The following FHIT variants were observed in gnomAD, a reference collection of about 807,000 sequenced individuals.
FHIT encodes the protein bis(5'-adenosyl)-triphosphatase.
FHIT carries 19 observed loss-of-function variants against 17.9 expected under a neutral mutation model. The ratio of observed to expected loss-of-function variants is 1.06; its 90% CI spans 0.74 to 1.56. FHIT has a LOEUF of 1.56. FHIT is among the 40% of genes most tolerant of loss of function. FHIT has a pLI of 0.00. For synonymous variants in FHIT, 81 were observed against 69.7 expected (o/e 1.16, Z -0.81); for missense variants, 248 against 189.2 (o/e 1.31, Z -1.82).
At chr3:61,029,462 C>T (rs17064323) in intron 3 of FHIT, among the ~76,000 whole-genome samples, 13,375 of 152,132 alleles carry the variant, frequency 0.088, 634 homozygotes, top group East Asian at 0.17. Flanking sequence ...CTGATTTAGC[C>T]GGCTAGCTCA....
chr3:60,712,079 C>T (rs1334512663), intron 4 of FHIT, among the ~76,000 whole-genome samples: 1 of 152,166 alleles, frequency 6.6e-6, no homozygotes, highest in Non-Finnish European at 1.5e-5. Flanking sequence ...GATCTCTCGG[C>T]AGAAATACTA....
chr3:60,027,108 G>GACACACACAC (rs754046097), intron 5 of FHIT, among the ~76,000 whole-genome samples: 14 of 88,050 alleles, frequency 1.6e-4, no homozygotes, highest in Non-Finnish European at 2.8e-4. Flanking sequence ...TTCACACACA[G>GACACACACAC]ACACACACAC....
intron 5 of FHIT, among the ~76,000 whole-genome samples, chr3:60,489,215 G>T (rs940217110): frequency 1.3e-5 from 2 of 152,074 alleles, no homozygotes; most frequent in African/African-American, 4.8e-5. Context: ...TTACTCAGAG[G>T]CATCAATCCT....
chr3:59,885,204 AAG>A (rs542303477), intron 8 of FHIT, among the ~76,000 whole-genome samples: 50 of 152,220 alleles, frequency 3.3e-4, no homozygotes, highest in South Asian at 6.2e-4. Flanking sequence ...ATATGTTCAG[AAG>A]AGGAAACAGG....
intron 8 of FHIT, among the ~76,000 whole-genome samples, chr3:59,878,023 CA>C (rs1339912605): frequency 6.6e-6 from 1 of 152,024 alleles, no homozygotes; most frequent in Non-Finnish European, 1.5e-5. Flanking sequence ...GCATATAGGC[CA>C]AATTAATAAG....
chr3:60,923,577 G>C (rs1054896303), intron 3 of FHIT, among the ~76,000 whole-genome samples: 1 of 152,110 alleles, frequency 6.6e-6, no homozygotes, highest in African/African-American at 2.4e-5. Flanking sequence ...TATTCACGAG[G>C]TGGAGCCAAG....
chr3:61,138,427 T>C (rs12494269), intron 2 of FHIT, among the ~76,000 whole-genome samples: 41,404 of 152,136 alleles, frequency 0.27, 5,979 homozygotes, highest in East Asian at 0.45. Context: ...GCAGCCATGC[T>C]TGTGGGCCTG....
chr3:60,242,458 G>A (rs548185871), intron 5 of FHIT, among the ~76,000 whole-genome samples: 15 of 151,782 alleles, frequency 9.9e-5, no homozygotes, highest in African/African-American at 2.2e-4. Context: ...TTCTATATTC[G>A]TGTGTATGTA....
At chr3:61,040,195 G>A (rs2033440281) in intron 3 of FHIT, among the ~76,000 whole-genome samples, 1 of 152,192 alleles carries the variant, frequency 6.6e-6, no homozygotes, top group Non-Finnish European at 1.5e-5. Flanking sequence ...TTAGATTATT[G>A]TATATGACCT....
chr3:60,957,738 G>C (rs1709238915), intron 3 of FHIT, among the ~76,000 whole-genome samples: 1 of 152,164 alleles, frequency 6.6e-6, no homozygotes, highest in Non-Finnish European at 1.5e-5. Context: ...CTGAGTCCCT[G>C]ATCTTGTATA....
chr3:59,800,732 G>A (rs998488578), intron 8 of FHIT, among the ~76,000 whole-genome samples: 1 of 152,126 alleles, frequency 6.6e-6, no homozygotes, highest in Admixed American at 6.6e-5. Flanking sequence ...TCTTCCTCAG[G>A]AAGAGAAAGG....
At chr3:60,144,812 G>C (rs572431604) in intron 5 of FHIT, among the ~76,000 whole-genome samples, 8 of 152,132 alleles carry the variant, frequency 5.3e-5, no homozygotes, top group Admixed American at 6.5e-5. Flanking sequence ...ACCCTACCAT[G>C]CAATAAAATA....
chr3:60,887,514 C>T (rs111716934), intron 3 of FHIT, among the ~76,000 whole-genome samples: 2,534 of 152,032 alleles, frequency 0.017, 81 homozygotes, highest in African/African-American at 0.057. Context: ...GGCGTGGTGG[C>T]ACACGCCTGT....
At chr3:60,619,123 C>T (rs1247901969) in intron 4 of FHIT, among the ~76,000 whole-genome samples, 1 of 152,104 alleles carries the variant, frequency 6.6e-6, no homozygotes, top group Non-Finnish European at 1.5e-5. Context: ...TGATTTGTTG[C>T]ATTATAGGTG....
intron 8 of FHIT, among the ~76,000 whole-genome samples, chr3:59,771,297 G>A (rs778729646): frequency 6.6e-5 from 10 of 152,134 alleles, no homozygotes; most frequent in Non-Finnish European, 1.3e-4. Context: ...GCTCTATAAA[G>A]GCCAAAGACA....
intron 3 of FHIT, among the ~76,000 whole-genome samples, chr3:61,027,344 C>A (rs1312342833): frequency 6.6e-6 from 1 of 152,212 alleles, no homozygotes; most frequent in Non-Finnish European, 1.5e-5. Context: ...ACCTCAGCCT[C>A]CCAAAGTGCT....
At position 60,140,655 on chromosome 3, in the gene FHIT, C is replaced by G. The variant is rs183302703; in HGVS notation, c.104-126503G>C. On this transcript the variant is annotated intron_variant, in intron 5 of 9. Coordinates refer to ENST00000492590, the MANE Select transcript of FHIT (RefSeq NM_002012.4). The stretch of plus-strand genomic sequence containing the variant: ...GTGCAATGGCGTGATCTCAGCTCAC[C>G]GCAACCTCCACCTCCCAGGTTCAAG... 6.0e-3 allele frequency among the ~76,000 whole-genome samples: 908 copies of G among 151,038 alleles called. 4 individuals carry two copies. The highest frequency in any genetic ancestry group is 0.02 in the African/African-American group (838 of 41,068).
In FHIT at chr3:60,386,808, C is replaced by G. The variant is rs180914140; in HGVS notation, c.103+150052G>C. On this transcript the variant is annotated intron_variant, in intron 5 of 9. Coordinates refer to ENST00000492590, the MANE Select transcript of FHIT (RefSeq NM_002012.4). ...CGTTCCAGACGATATGTGGTAGGTGCTGACCACTTTACATGCATCAACTGA... is the reference window on the plus strand; with the variant it reads ...CGTTCCAGACGATATGTGGTAGGTGGTGACCACTTTACATGCATCAACTGA... Among the ~76,000 whole-genome samples, 195 of 152,256 alleles carry G rather than the reference C, an allele frequency of 1.3e-3. 1 individual carries two copies. Among genetic ancestry groups the G allele is most frequent in the Admixed American group, 2.1e-3 (32 of 15,292 alleles).
chr3:61,002,066 A>G lies in FHIT; in HGVS notation c.-111+39981T>C, dbSNP rs2031122784. Among the ~76,000 whole-genome samples, 4 of 152,226 alleles carry G rather than the reference A, an allele frequency of 2.6e-5. No homozygotes were observed. In the South Asian group the frequency reaches 8.3e-4, roughly 31 times the overall value. The stretch of plus-strand genomic sequence containing the variant: ...AGGGGGTGCAATGTGATGTTTTGAT[A>G]TATGCATACAATGTAGAATGATTAA... On this transcript the variant is annotated intron_variant, in intron 3 of 9. Transcript: ENST00000492590.
Sources: allele counts gnomAD v4.1 joint callset (sites outside exome capture counted in the v4.1 genomes callset), GRCh38; gene constraint gnomAD v4.1.1; transcripts MANE v1.5; gene names NCBI Gene and HGNC (gene_info 2026-07-23, HGNC 2026-07-21).